EVA1A: variants seen among roughly 807,000 people sequenced by gnomAD.
EVA1A encodes eva-1 homolog A, regulator of programmed cell death, also known as protein eva-1 homolog A.
In EVA1A, 7 loss-of-function variants were observed where a neutral mutation model predicts 9.8. The ratio of observed to expected loss-of-function variants is 0.71; its 90% confidence interval spans 0.41 to 1.34. The LOEUF is 1.34. Among genes scored for constraint, EVA1A ranks in the 40% most tolerant of loss-of-function variants. The pLI is 0.01. For missense variants in EVA1A, 206 were observed against 205.9 expected (o/e 1.00, Z 0.00); for synonymous variants, 90 against 85.6 (o/e 1.05, Z -0.28).
At chr2:75,565,039 G>A (rs535966876), upstream of EVA1A, among the ~76,000 whole-genome samples, 108 of 152,336 alleles carry the variant, frequency 7.1e-4, 1 homozygote, top group African/African-American at 2.5e-3. Flanking sequence ...CTTGCAGTGA[G>A]AATATGTCCC....
At chr2:75,551,947 G>C (rs544328078) in intron 1 of EVA1A, among the ~76,000 whole-genome samples, 33 of 152,278 alleles carry the variant, frequency 2.2e-4, no homozygotes, top group Non-Finnish European at 4.4e-4. Flanking sequence ...TTGGGGGACT[G>C]AGGCAGGAGG....
chr2:75,560,018 C>A (rs943738810), intron 1 of EVA1A, among the ~76,000 whole-genome samples: 2 of 152,200 alleles, frequency 1.3e-5, no homozygotes, highest in Admixed American at 1.3e-4. Flanking sequence ...CTCCGTACTG[C>A]GTGCCAACAC....
rs554128430 is a variant in EVA1A at position 75,505,377 on chromosome 2, T to C, written c.86-11768A>G. On this transcript the variant is annotated intron_variant, in intron 3 of 3. Coordinates refer to ENST00000393913, the MANE Select transcript of EVA1A (RefSeq NM_001135032.2). ...ATCCATATGATTGATTCACTTTCGA[T>C]TCTCTGGGCATTCAGCACAGTGTGT... 2.6e-5 allele frequency among the ~76,000 whole-genome samples: 4 copies of C among 152,320 alleles called. No individual in the cohort carries two copies. In the South Asian group the frequency reaches 8.3e-4, roughly 32 times the overall value.
At chr2:75,530,042 T>C (rs1675587077) in intron 1 of EVA1A, among the ~76,000 whole-genome samples, 2 of 152,108 alleles carry the variant, frequency 1.3e-5, no homozygotes, top group South Asian at 4.2e-4. Context: ...TCCAAATAAA[T>C]TCAGTTGGAA....
At chr2:75,528,494 C>A (rs1675532076) in intron 1 of EVA1A, among the ~76,000 whole-genome samples, 1 of 152,078 alleles carries the variant, frequency 6.6e-6, no homozygotes, top group South Asian at 2.1e-4. Flanking sequence ...TCTGTCACTG[C>A]CGGCTTTCCC....
intron 1 of EVA1A, among the ~76,000 whole-genome samples, chr2:75,546,808 C>T (rs1206019321): frequency 6.6e-6 from 1 of 151,474 alleles, no homozygotes; most frequent in African/African-American, 2.4e-5. Flanking sequence ...CGGGCCTCAA[C>T]CCAATATAAC....
chr2:75,564,944 T>C (rs1334567600), upstream of EVA1A, among the ~76,000 whole-genome samples: 1 of 152,162 alleles, frequency 6.6e-6, no homozygotes, highest in Non-Finnish European at 1.5e-5. Context: ...AAAAACAAAC[T>C]GAGTCACCAG....
At chr2:75,545,424 T>C (rs1388682188) in intron 1 of EVA1A, among the ~76,000 whole-genome samples, 1 of 152,192 alleles carries the variant, frequency 6.6e-6, no homozygotes, top group Non-Finnish European at 1.5e-5. Context: ...GCTTTCCCGA[T>C]GAGAACCATC....
At chr2:75,535,324 T>C (rs1675842043) in intron 1 of EVA1A, among the ~76,000 whole-genome samples, 1 of 138,204 alleles carries the variant, frequency 7.2e-6, no homozygotes, top group Admixed American at 7.2e-5. Context: ...GGAACTCTTG[T>C]TTATACACTG....
At chr2:75,528,065 A>G (rs1675514305) in intron 1 of EVA1A, among the ~76,000 whole-genome samples, 2 of 152,244 alleles carry the variant, frequency 1.3e-5, no homozygotes, top group Non-Finnish European at 1.5e-5. Flanking sequence ...AAGTAGAAGA[A>G]GCAGTGGGAA....
At chr2:75,559,542 A>G (rs1054605016) in intron 1 of EVA1A, among the ~76,000 whole-genome samples, 1 of 152,210 alleles carries the variant, frequency 6.6e-6, no homozygotes, top group Admixed American at 6.5e-5. Context: ...GGATGACAAG[A>G]AGGGGATGAA....
In EVA1A at chr2:75,548,979, G is replaced by GAA. The variant is rs150555298; in HGVS notation, c.-192+11699_-192+11700dup. Reference sequence around the variant, plus strand: ...TAAATGAACTGATGACTGGCTAAATGAAAAATATATATATATATATATATA... The same window carrying GAA: ...TAAATGAACTGATGACTGGCTAAATGAAAAAAATATATATATATATATATATA... On this transcript the variant is annotated intron_variant, in intron 1 of 3. Transcript: ENST00000393913. Among the ~76,000 whole-genome samples the GAA allele has an allele frequency of 1.1e-3, 149 of 130,156 alleles. 2 individuals are homozygous for GAA. Among genetic ancestry groups the GAA allele is most frequent in the African/African-American group, 3.8e-3 (127 of 33,498 alleles). The allele number at this position is 130,156 out of a possible 152,430, so 85.4% of individuals were successfully genotyped here.
intron 1 of EVA1A, among the ~76,000 whole-genome samples, chr2:75,541,147 C>T (rs1467678062): frequency 6.6e-6 from 1 of 152,218 alleles, no homozygotes; most frequent in Non-Finnish European, 1.5e-5. Flanking sequence ...TGGACTGGGC[C>T]TTGCATACAA....
At chr2:75,566,673 C>T (rs1677034902) in intron 1 of EVA1A, among the ~76,000 whole-genome samples, 1 of 152,170 alleles carries the variant, frequency 6.6e-6, no homozygotes, top group Admixed American at 6.6e-5. Context: ...GATTTAAATA[C>T]TCCTGGATCA....
rs988973730 is a variant in EVA1A at position 75,518,278 on chromosome 2, G to A, written c.-68-70C>T. On this transcript the variant is annotated intron_variant, in intron 2 of 3. Transcript: ENST00000393913. ...CTGAGGCCATGTTCCAGGTAGCCTG[G>A]ACTCCTAAAGACATATTTTTGCAAC... 2.3e-5 allele frequency: 33 copies of A among 1,408,986 alleles called. No homozygotes were observed. In the Middle Eastern group the frequency reaches 5.5e-4, roughly 24 times the overall value. 87.3% of individuals were successfully genotyped at this position (1,408,986 alleles called of 1,614,324 possible).
intron 3 of EVA1A, among the ~76,000 whole-genome samples, chr2:75,506,673 A>C (rs907066862): frequency 3.3e-5 from 5 of 152,226 alleles, no homozygotes; most frequent in Admixed American, 6.5e-5. Context: ...CTGGAGCAGC[A>C]ATTTTACTGT....
Position 75,526,584 on chromosome 2 carries a change from TAGTC to T in EVA1A, c.-191-4101_-191-4098del, listed in dbSNP as rs549965374. 7.2e-5 allele frequency among the ~76,000 whole-genome samples: 11 copies of T among 152,310 alleles called. No individual in the cohort carries two copies. In the South Asian group the frequency reaches 2.1e-3, roughly 29 times the overall value. On this transcript the variant is annotated intron_variant, in intron 1 of 3. Transcript: ENST00000393913. The stretch of plus-strand genomic sequence containing the variant: ...AAATGGTAAAGTTGGAATTTAAACT[TAGTC>T]AGTCCAACTCCAGTGCTCTTAACTT...
chr2:75,533,576 T>C (rs1030045912), intron 1 of EVA1A, among the ~76,000 whole-genome samples: 10 of 152,150 alleles, frequency 6.6e-5, no homozygotes, highest in African/African-American at 2.4e-4. Context: ...GCTTTCCTTT[T>C]CCTCATGAGT....
At chr2:75,531,238 A>C (rs538637604) in intron 1 of EVA1A, among the ~76,000 whole-genome samples, 3 of 152,332 alleles carry the variant, frequency 2.0e-5, no homozygotes, top group South Asian at 4.1e-4. Context: ...CCATAATTTA[A>C]AAATCAAAAA....
Sources: allele counts gnomAD v4.1 joint callset (sites outside exome capture counted in the v4.1 genomes callset), GRCh38; gene constraint gnomAD v4.1.1; transcripts MANE v1.5; gene names NCBI Gene and HGNC (gene_info 2026-07-23, HGNC 2026-07-21).